WDR43: variants seen among roughly 807,000 people sequenced by gnomAD.
The protein encoded by WDR43 is WD repeat domain 43.
In WDR43, 13 loss-of-function variants were observed where a neutral mutation model predicts 91.4. That is an observed-to-expected ratio of 0.14 (90% confidence interval 0.09 to 0.23). The LOEUF (loss-of-function observed/expected upper bound fraction) is 0.23, where lower values mean the gene tolerates loss of function less well. Ranked by LOEUF, WDR43 falls within the 10% of genes least tolerant of loss-of-function variation. The pLI is 1.00. For missense variants in WDR43, 780 were observed against 809.4 expected, an observed-to-expected ratio of 0.96 and a Z score of 0.44; for synonymous variants, 331 against 287.9, an observed-to-expected ratio of 1.15 and a Z score of -1.51.
chr2:28,935,228 G>A (rs1434501711), intron 11 of WDR43, among the ~76,000 whole-genome samples: 1 of 152,138 alleles, frequency 6.6e-6, no homozygotes, highest in Non-Finnish European at 1.5e-5. Flanking sequence ...AGTGGCATAT[G>A]TCTGTATTCA....
intron 15 of WDR43, 61 bp downstream of exon 15, chr2:28,941,635 A>G (rs1671439078): frequency 2.4e-6 from 3 of 1,269,722 alleles, no homozygotes; most frequent in South Asian, 1.3e-5. Flanking sequence ...GGAGAGAGGA[A>G]TAAGGATCAT....
chr2:28,896,647 A>G (rs1670486324), intron 1 of WDR43, among the ~76,000 whole-genome samples: 1 of 152,118 alleles, frequency 6.6e-6, no homozygotes, highest in Non-Finnish European at 1.5e-5. Context: ...AAAAAATGTC[A>G]CCCACTTTGC....
At position 28,939,680 on chromosome 2, in the gene WDR43, A is replaced by T. The variant is rs187103407; in HGVS notation, c.1620+1686A>T. On this transcript the variant is annotated intron_variant, in intron 14 of 17. Coordinates refer to ENST00000407426, the MANE Select transcript of WDR43 (RefSeq NM_015131.3). ...AACAGGGACACAAAAGGGAGGTGAT[A>T]AATTGGAATGCAATGACCTTAAACC... Among the ~76,000 whole-genome samples the T allele has an allele frequency of 6.0e-4, 91 of 152,364 alleles. 1 individual carries two copies. Among genetic ancestry groups the T allele is most frequent in the African/African-American group, 2.1e-3 (87 of 41,584 alleles).
chr2:28,899,389 G>A (rs1241007486), intron 1 of WDR43, among the ~76,000 whole-genome samples: 2 of 152,104 alleles, frequency 1.3e-5, no homozygotes, highest in African/African-American at 4.8e-5. Flanking sequence ...CTTAAAGCAT[G>A]GATAGGATTT....
chr2:28,934,444 T>C lies in WDR43; in HGVS notation c.1438-1077T>C, dbSNP rs141570954. ...ACGCTTCATTTGTACTGCAGTAAAGTTGTAAAAGAAAAATCTTGTCTTCAA... is the reference window on the plus strand; with the variant it reads ...ACGCTTCATTTGTACTGCAGTAAAGCTGTAAAAGAAAAATCTTGTCTTCAA... On this transcript the variant is annotated intron_variant, in intron 11 of 17. Coordinates refer to ENST00000407426, the MANE Select transcript of WDR43 (RefSeq NM_015131.3). Among the ~76,000 whole-genome samples the C allele has an allele frequency of 3.4e-4, 52 of 152,326 alleles. No homozygotes were observed. The East Asian group carries it at 9.4e-3, about 28-fold the overall frequency.
intron 12 of WDR43, 34 bp from the exon 13 acceptor site, chr2:28,936,888 G>T: frequency 6.4e-7 from 1 of 1,556,944 alleles, no homozygotes; most frequent in Non-Finnish European, 8.7e-7. Flanking sequence ...TGCCTCTGAA[G>T]TGCTGTTGTT....
chr2:28,917,431 C>T (rs1284327616), intron 5 of WDR43, among the ~76,000 whole-genome samples: 6 of 152,114 alleles, frequency 3.9e-5, no homozygotes, highest in African/African-American at 1.2e-4. Context: ...TCAACGCAGA[C>T]GCATTCAAAA....
Position 28,894,778 on chromosome 2 carries a change from C to T in WDR43, c.80C>T (p.Ala27Val), listed in dbSNP as rs780718164. The T allele has an allele frequency of 3.1e-6, 5 of 1,607,438 alleles. No homozygotes were observed. Among genetic ancestry groups the T allele is most frequent in the Admixed American group, 3.4e-5 (2 of 59,120 alleles). ...TGCGCCTTCTCCCCGCACAGCCAGG[C>T]CTACTTCGCTTTGGCCTCTACCGAC... ...VPCAFSPHSQ[A>V]YFALASTDGH... Residue 27 changes from alanine to valine, a missense_variant, in exon 1 of 18, where the codon GCC becomes GTC. Physicochemically the swap from Ala to Val is moderately conservative, Grantham distance 64 (BLOSUM62 0). Transcript: ENST00000407426.
At position 28,937,478 on chromosome 2, in the gene WDR43, ATAAT is replaced by A. The variant is rs1479804337; in HGVS notation, c.1557-451_1557-448del. Among the ~76,000 whole-genome samples, 4 of 152,300 alleles carry A rather than the reference ATAAT, an allele frequency of 2.6e-5. No individual in the cohort carries two copies. The East Asian group carries it at 7.7e-4, about 29-fold the overall frequency. On this transcript the variant is annotated intron_variant, in intron 13 of 17. Transcript: ENST00000407426. ...TGAGCTCACAAAAGAGGAAAGCTAA[ATAAT>A]TCATTAATTATGACTTTTTTGCACA...
rs1329735034 is a variant in WDR43, at chr2:28,946,810, A to G, written c.*31A>G. The G allele has an allele frequency of 1.3e-6, 2 of 1,539,038 alleles. No individual in the cohort carries two copies. Among genetic ancestry groups the G allele is most frequent in the East Asian group, 2.4e-5 (1 of 42,296 alleles). ...GCAAAGCAAGCCGGTCAAACTATATAAACTCTGGCTCACCTTGCCCAGTGG... is the reference window on the plus strand; with the variant it reads ...GCAAAGCAAGCCGGTCAAACTATATGAACTCTGGCTCACCTTGCCCAGTGG... On this transcript the variant is annotated 3_prime_UTR_variant, in exon 18 of 18. Coordinates refer to ENST00000407426, the MANE Select transcript of WDR43 (RefSeq NM_015131.3).
chr2:28,915,908 G>A (rs1292147382), intron 5 of WDR43, among the ~76,000 whole-genome samples: 1 of 152,134 alleles, frequency 6.6e-6, no homozygotes, highest in Non-Finnish European at 1.5e-5. Context: ...TAATTTATCA[G>A]ATCAACTCTT....
chr2:28,910,117 G>C (rs991873448), intron 3 of WDR43, among the ~76,000 whole-genome samples: 1 of 152,164 alleles, frequency 6.6e-6, no homozygotes, highest in Non-Finnish European at 1.5e-5. Flanking sequence ...GAGCTTGAGA[G>C]TGCATAATTC....
At position 28,925,512 on chromosome 2, in the gene WDR43, G is replaced by A. The variant is rs558356016; in HGVS notation, c.1086+359G>A. Among the ~76,000 whole-genome samples the A allele has an allele frequency of 5.1e-4, 77 of 152,250 alleles. 2 individuals are homozygous for A. Among genetic ancestry groups the A allele is most frequent in the Admixed American group, 9.1e-4 (14 of 15,304 alleles). On this transcript the variant is annotated intron_variant, in intron 8 of 17. Coordinates refer to ENST00000407426, the MANE Select transcript of WDR43 (RefSeq NM_015131.3). ...CTTACTAGTTGGTCAGTACAGGTAT[G>A]ACTTATGTTGAATTTTGCCTAGTTA...
At chr2:28,942,259 T>C in intron 15 of WDR43, 53 bp from the exon 16 acceptor site, 8 of 1,571,240 alleles carry the variant, frequency 5.1e-6, no homozygotes, top group Non-Finnish European at 7.0e-6. Flanking sequence ...GTGGTCGTGA[T>C]ACTTGGGATA....
intron 4 of WDR43, 58 bp from the exon 5 acceptor site, chr2:28,914,011 A>G (rs1320143658): frequency 4.4e-6 from 7 of 1,593,674 alleles, no homozygotes; most frequent in East Asian, 2.2e-5. Flanking sequence ...AATATATACT[A>G]TTAATTTTTG....
Position 28,902,006 on chromosome 2 carries a change from A to C in WDR43, c.245A>C (p.Lys82Thr). 6.3e-7 allele frequency: 1 copy of C among 1,592,862 alleles called. No individual in the cohort carries two copies. Among genetic ancestry groups the C allele is most frequent in the Non-Finnish European group, 8.5e-7 (1 of 1,175,020 alleles). ...LQAKESPQRKKRKSEAVGMSN... is the reference protein window; with the variant it reads ...LQAKESPQRKTRKSEAVGMSN... ...TTCCAGGAAAGTCCCCAGAGGAAAA[A>C]AAGGAAATCAGAAGCTGTAGGAATG... Residue 82 changes from lysine (K) to threonine (T), a missense_variant, in exon 2 of 18, where the codon AAA becomes ACA. By Grantham distance (78) the Lys-to-Thr change is moderately conservative. Around this residue, in one of 4 missense-constraint regions of WDR43, gnomAD observed 175 missense variants for 113.8 expected, o/e 1.54. Coordinates refer to ENST00000407426, the MANE Select transcript of WDR43 (RefSeq NM_015131.3).
At chr2:28,935,727 A>G in intron 12 of WDR43, 120 bp downstream of exon 12, 2 of 383,184 alleles carry the variant, frequency 5.2e-6, no homozygotes, top group Middle Eastern at 3.9e-4. Flanking sequence ...TGAGTAATGG[A>G]TGGAGGAAAG....
chr2:28,919,867 C>CA (rs1436740770), intron 6 of WDR43, among the ~76,000 whole-genome samples: 12 of 152,004 alleles, frequency 7.9e-5, no homozygotes, highest in African/African-American at 2.2e-4. Flanking sequence ...TTTTTGGAGA[C>CA]AGAGTCTCTG....
chr2:28,946,726 G>T lies in WDR43; in HGVS notation c.1981G>T (p.Glu661Ter). ...GEDRDTASEK[E>*]LNGDSDLDPE... ...GGACAGAGATACAGCAAGTGAAAAA[G>T]AATTAAATGGAGATTCTGATTTAGA... Residue 661 changes from glutamate to a stop codon, truncating the protein, a stop_gained, in exon 18 of 18, where the codon GAA becomes TAA. Transcript: ENST00000407426. LOFTEE classifies it high-confidence loss of function. 1 of 1,585,260 alleles carries T rather than the reference G, an allele frequency of 6.3e-7. No homozygotes were observed. The highest frequency in any genetic ancestry group is 8.6e-7 in the Non-Finnish European group (1 of 1,165,770).
Sources: gnomAD v4.1 joint callset for allele counts (sites outside exome capture counted in the v4.1 genomes callset) on GRCh38, gnomAD v4.1.1 for gene constraint, gnomAD v4.1.1 regional missense constraint, MANE v1.5 for transcripts, NCBI Gene and HGNC (gene_info 2026-07-23, HGNC 2026-07-21) for gene names.